The following JAK1 variants were observed in gnomAD, a reference collection of about 807,000 sequenced individuals.
JAK1 encodes the protein Janus kinase 1, also known as tyrosine-protein kinase JAK1.
In JAK1, 16 loss-of-function variants were observed where a neutral mutation model predicts 136.6. That is an observed-to-expected ratio of 0.12 (90% CI 0.08 to 0.18). JAK1 has a LOEUF of 0.18. JAK1 is among the 10% of genes least tolerant of loss of function. The probability of loss-of-function intolerance (pLI) is 1.00; values close to 1 mark genes in which losing one functional copy is unlikely to be tolerated. For missense variants in JAK1, 859 were observed against 1,450.1 expected (o/e 0.59, Z 6.62); for synonymous variants, 492 against 519.5 (o/e 0.95, Z 0.72).
chr1:64,875,345 G>A (rs562424630), intron 4 of JAK1, among the ~76,000 whole-genome samples: 1 of 152,330 alleles, frequency 6.6e-6, no homozygotes, highest in South Asian at 2.1e-4. Flanking sequence ...GCTCTCCTGG[G>A]AGGGAAGCCC....
intron 6 of JAK1, 85 bp from the exon 7 acceptor site, chr1:64,867,293 C>T: frequency 1.0e-6 from 1 of 966,004 alleles, no homozygotes; most frequent in Non-Finnish European, 1.5e-6. Flanking sequence ...TCCATGAATC[C>T]ACATGTTGCC....
chr1:64,860,684 C>T (rs1227476330), intron 8 of JAK1, among the ~76,000 whole-genome samples: 1 of 152,044 alleles, frequency 6.6e-6, no homozygotes, highest in Non-Finnish European at 1.5e-5. Context: ...GAACTCCTGA[C>T]CTCGAGTGAT....
chr1:64,842,736 T>A (rs953613766), intron 17 of JAK1, among the ~76,000 whole-genome samples: 4 of 152,170 alleles, frequency 2.6e-5, no homozygotes, highest in African/African-American at 9.7e-5. Context: ...GTTGTTTCAT[T>A]TCCAAGGATC....
chr1:65,022,474 TAG>T (rs989999501), intron 2 of JAK1, among the ~76,000 whole-genome samples: 3 of 152,252 alleles, frequency 2.0e-5, no homozygotes, highest in African/African-American at 7.2e-5. Flanking sequence ...AGGATTTCCA[TAG>T]CCTTTCTGAG....
intron 1 of JAK1, among the ~76,000 whole-genome samples, chr1:65,060,377 G>A (rs1647736541): frequency 6.6e-6 from 1 of 152,142 alleles, no homozygotes; most frequent in Non-Finnish European, 1.5e-5. Flanking sequence ...GGTAAGTATG[G>A]AGACAAATAA....
chr1:65,046,664 A>G (rs1404319315), intron 1 of JAK1, among the ~76,000 whole-genome samples: 3 of 151,876 alleles, frequency 2.0e-5, no homozygotes, highest in African/African-American at 7.3e-5. Context: ...TGAAGGGGGT[A>G]GGTAGGCTGG....
rs1026659627 is a variant in JAK1, at chr1:64,834,287, T to C, written c.*275A>G. The stretch of plus-strand genomic sequence containing the variant: ...ACTAGCCAGATGAAATGGTGGTATA[T>C]TCTTTCCACAAGGAGGAGTGCTTAA... On this transcript the variant is annotated 3_prime_UTR_variant, in exon 25 of 25. Transcript: ENST00000342505. The C allele has an allele frequency of 7.0e-6, 2 of 284,476 alleles. No homozygotes were observed. Among genetic ancestry groups the C allele is most frequent in the African/African-American group, 4.3e-5 (2 of 46,932 alleles). The allele number at this position is 284,476 out of a possible 1,614,324, so 17.6% of individuals were successfully genotyped here. A position where few individuals can be genotyped will look rare whatever the true frequency, so the allele number is the denominator to read the frequency against.
intron 2 of JAK1, among the ~76,000 whole-genome samples, chr1:65,011,498 T>C (rs913348783): frequency 2.6e-5 from 4 of 151,922 alleles, no homozygotes; most frequent in African/African-American, 9.7e-5. Flanking sequence ...AAAACCAGCT[T>C]CCGATATCCA....
intron 2 of JAK1, among the ~76,000 whole-genome samples, chr1:65,018,491 C>CACACACAA (rs1646909326): frequency 7.1e-6 from 1 of 141,562 alleles, no homozygotes; most frequent in African/African-American, 2.8e-5. Flanking sequence ...AGAGAGAACA[C>CACACACAA]ACACACACAC....
chr1:65,040,765 T>C (rs566002157), intron 2 of JAK1, among the ~76,000 whole-genome samples: 1 of 152,276 alleles, frequency 6.6e-6, no homozygotes, highest in Non-Finnish European at 1.5e-5. Context: ...ACACCTATTA[T>C]GTCCTAGGCA....
chr1:64,866,842 G>A, intron 7 of JAK1, 24 bp downstream of exon 7: 4 of 1,546,272 alleles, frequency 2.6e-6, no homozygotes, highest in Non-Finnish European at 3.6e-6. Flanking sequence ...TGTTCTCTTT[G>A]ATCGACTGCC....
chr1:65,035,904 T>G (rs1647068386), intron 2 of JAK1, among the ~76,000 whole-genome samples: 1 of 151,256 alleles, frequency 6.6e-6, no homozygotes, highest in African/African-American at 2.4e-5. Context: ...CCATCTCTAC[T>G]GAAAATACAA....
At chr1:64,986,890 A>C (rs555300422) in intron 2 of JAK1, among the ~76,000 whole-genome samples, 28 of 151,094 alleles carry the variant, frequency 1.9e-4, no homozygotes, top group African/African-American at 5.8e-4. Flanking sequence ...CCCCCACCCA[A>C]AAAAAAAATA....
chr1:65,055,269 T>C (rs1315287301), intron 1 of JAK1, among the ~76,000 whole-genome samples: 1 of 152,214 alleles, frequency 6.6e-6, no homozygotes, highest in Non-Finnish European at 1.5e-5. Context: ...CCCTTTTATG[T>C]CTGGCTTATT....
At chr1:64,909,391 C>T (rs2100262024) in intron 1 of JAK1, among the ~76,000 whole-genome samples, 1 of 152,012 alleles carries the variant, frequency 6.6e-6, no homozygotes, top group African/African-American at 2.4e-5. Context: ...AGGAAACTAG[C>T]TTGTGATCAA....
At chr1:65,053,144 G>C (rs912253679) in intron 1 of JAK1, among the ~76,000 whole-genome samples, 8 of 150,858 alleles carry the variant, frequency 5.3e-5, no homozygotes, top group Non-Finnish European at 7.4e-5. Context: ...TCAGGAGTTT[G>C]AGACCAGTCT....
chr1:64,913,236 G>A (rs1265197858), intron 1 of JAK1, among the ~76,000 whole-genome samples: 1 of 152,042 alleles, frequency 6.6e-6, no homozygotes, highest in Admixed American at 6.6e-5. Context: ...TATTGCCCAG[G>A]CTGGGGTGTC....
upstream of JAK1, among the ~76,000 whole-genome samples, chr1:64,968,615 C>G (rs1383233690): frequency 2.0e-5 from 3 of 151,954 alleles, no homozygotes; most frequent in Non-Finnish European, 4.4e-5. Flanking sequence ...ACAGCAAGAC[C>G]CTGTCTCTAA....
chr1:64,982,769 C>CT (rs60484449), intron 2 of JAK1, among the ~76,000 whole-genome samples: 23,859 of 151,302 alleles, frequency 0.16, 2,491 homozygotes, highest in African/African-American at 0.28. Flanking sequence ...TATTTTCTGT[C>CT]TTTTTTTTTC....
Sources: gnomAD v4.1 joint callset for allele counts (sites outside exome capture counted in the v4.1 genomes callset) on GRCh38, gnomAD v4.1.1 for gene constraint, MANE v1.5 for transcripts, NCBI Gene and HGNC (gene_info 2026-07-23, HGNC 2026-07-21) for gene names.